CDYL2: variants seen among roughly 807,000 people sequenced by gnomAD.
The protein encoded by CDYL2 is chromodomain Y-like protein 2.
In CDYL2, 23 loss-of-function variants were observed where a neutral mutation model predicts 49.4. That is an observed-to-expected ratio of 0.47 (90% confidence interval 0.34 to 0.66). CDYL2 has a LOEUF of 0.66. Ranked by LOEUF, CDYL2 falls within the 30% of genes least tolerant of loss-of-function variation. The pLI is 0.01. For missense variants in CDYL2, 678 were observed against 656.4 expected, an observed-to-expected ratio of 1.03 and a Z score of -0.36; for synonymous variants, 360 against 268.8, an observed-to-expected ratio of 1.34 and a Z score of -3.32.
intron 1 of CDYL2, among the ~76,000 whole-genome samples, chr16:80,733,475 T>C (rs1905404677): frequency 6.6e-6 from 1 of 152,210 alleles, no homozygotes; most frequent in Admixed American, 6.5e-5. Context: ...TGGACAGGTT[T>C]ATGGAGGCTT....
intron 1 of CDYL2, among the ~76,000 whole-genome samples, chr16:80,715,007 A>C (rs1321772291): frequency 2.6e-5 from 4 of 152,146 alleles, no homozygotes; most frequent in Non-Finnish European, 4.4e-5. Flanking sequence ...CAGAATCCCC[A>C]GAGAGAAACA....
At chr16:80,670,925 T>C (rs774801906) in intron 2 of CDYL2, 4 of 455,990 alleles carry the variant, frequency 8.8e-6, no homozygotes, top group Non-Finnish European at 1.8e-5. Context: ...GGGGCTTGCC[T>C]CACCAGCTGT....
intron 1 of CDYL2, among the ~76,000 whole-genome samples, chr16:80,775,373 T>C (rs981175504): frequency 6.6e-6 from 1 of 151,890 alleles, no homozygotes; most frequent in African/African-American, 2.4e-5. Context: ...ATATACAGTT[T>C]AAATAATTAA....
In CDYL2 at chr16:80,700,666, C is replaced by T. The variant is rs78676609; in HGVS notation, c.25-15537G>A. On this transcript the variant is annotated intron_variant, in intron 1 of 6. Transcript: ENST00000570137. Reference sequence around the variant, plus strand: ...TACCCTATGTTGGCAAGGATGTGGGCATACGAATAGCTATATATGTTCTTA... The same window carrying T: ...TACCCTATGTTGGCAAGGATGTGGGTATACGAATAGCTATATATGTTCTTA... Among the ~76,000 whole-genome samples the T allele has an allele frequency of 1.9e-4, 29 of 152,282 alleles. No homozygotes were observed. The East Asian group carries it at 5.2e-3, about 27-fold the overall frequency.
chr16:80,685,210 A>C, intron 1 of CDYL2, 81 bp from the exon 2 acceptor site: 2 of 1,128,220 alleles, frequency 1.8e-6, no homozygotes, highest in Non-Finnish European at 2.6e-6. Context: ...AACACCATAA[A>C]GCCTTTGGGA....
chr16:80,680,755 G>C (rs1289853663), intron 2 of CDYL2, among the ~76,000 whole-genome samples: 2 of 152,130 alleles, frequency 1.3e-5, no homozygotes, highest in Non-Finnish European at 2.9e-5. Context: ...ATGGATCTAT[G>C]AACCATCTCT....
intron 2 of CDYL2, among the ~76,000 whole-genome samples, chr16:80,653,362 G>C (rs762482093): frequency 6.6e-6 from 1 of 152,192 alleles, no homozygotes; most frequent in Non-Finnish European, 1.5e-5. Context: ...CTACTTGGAA[G>C]TCTGAGGCAG....
Position 80,685,085 on chromosome 16 carries a change from C to T in CDYL2, c.69G>A (p.Trp23Ter). Residue 23 changes from tryptophan (W) to a stop codon, truncating the protein, a stop_gained, in exon 2 of 7, where the codon TGG becomes TGA. Transcript: ENST00000570137. LOFTEE classifies it high-confidence loss of function. ...VDKRKNKKGKWEYLIRWKGYG... is the reference protein window; with the variant it reads ...VDKRKNKKGK ...AGCCTTTCCATCGGATAAGATACTC[C>T]CATTTTCCTTTCTTGTTCTTCCTCT... The T allele has an allele frequency of 1.2e-6, 2 of 1,613,942 alleles. No individual in the cohort carries two copies. The highest frequency in any genetic ancestry group is 1.7e-6 in the Non-Finnish European group (2 of 1,179,890).
intron 3 of CDYL2, among the ~76,000 whole-genome samples, chr16:80,626,511 T>C (rs1346226788): frequency 2.0e-5 from 3 of 152,162 alleles, no homozygotes; most frequent in Non-Finnish European, 2.9e-5. Context: ...GCCTTTGCTA[T>C]GTGTATATAA....
intron 6 of CDYL2, among the ~76,000 whole-genome samples, chr16:80,607,596 G>A (rs571866453): frequency 3.4e-4 from 52 of 152,334 alleles, no homozygotes; most frequent in Non-Finnish European, 5.6e-4. Context: ...CACTGCCTCT[G>A]CAGAGGTGTT....
intron 2 of CDYL2, among the ~76,000 whole-genome samples, chr16:80,668,080 G>A (rs573292098): frequency 6.6e-6 from 1 of 152,216 alleles, no homozygotes; most frequent in African/African-American, 2.4e-5. Flanking sequence ...CCCTAGCCAG[G>A]TTTGGCAGGA....
Position 80,682,706 on chromosome 16 carries a change from C to A in CDYL2, c.616+1832G>T, listed in dbSNP as rs367903274. Among the ~76,000 whole-genome samples, 8 of 152,280 alleles carry A rather than the reference C, an allele frequency of 5.3e-5. No homozygotes were observed. In the South Asian group the frequency reaches 1.5e-3, roughly 28 times the overall value. ...GAGCCTTGCCCCTGCACCCAAAGGG[C>A]CACAAAATCTCCCCTCGCCACCCTT... is the stretch of plus-strand genomic sequence containing the variant. On this transcript the variant is annotated intron_variant, in intron 2 of 6. Coordinates refer to ENST00000570137, the MANE Select transcript of CDYL2 (RefSeq NM_152342.4).
intron 4 of CDYL2, among the ~76,000 whole-genome samples, chr16:80,617,113 C>T (rs886735885): frequency 1.3e-5 from 2 of 152,254 alleles, no homozygotes; most frequent in African/African-American, 4.8e-5. Flanking sequence ...TGGAGAGAGC[C>T]TTCTGAACAA....
intron 2 of CDYL2, among the ~76,000 whole-genome samples, chr16:80,667,895 G>T (rs1234082077): frequency 6.6e-6 from 1 of 152,220 alleles, no homozygotes; most frequent in Non-Finnish European, 1.5e-5. Flanking sequence ...TGGGTCATTT[G>T]TTCCAGGCAA....
At chr16:80,758,452 A>T (rs1906390350) in intron 1 of CDYL2, among the ~76,000 whole-genome samples, 1 of 152,120 alleles carries the variant, frequency 6.6e-6, no homozygotes, top group African/African-American at 2.4e-5. Flanking sequence ...CCAAATGTGT[A>T]CAACACTGGA....
chr16:80,693,022 A>G (rs182176970), intron 1 of CDYL2, among the ~76,000 whole-genome samples: 4 of 152,136 alleles, frequency 2.6e-5, no homozygotes, highest in Admixed American at 1.3e-4. Context: ...ATTTGGAAGA[A>G]ACTCACAGGC....
At chr16:80,694,624 A>G (rs942340696) in intron 1 of CDYL2, among the ~76,000 whole-genome samples, 1 of 152,202 alleles carries the variant, frequency 6.6e-6, no homozygotes, top group Non-Finnish European at 1.5e-5. Flanking sequence ...AAATATAAAT[A>G]TATGTATACA....
chr16:80,653,830 T>TA (rs958357399), intron 2 of CDYL2, among the ~76,000 whole-genome samples: 19 of 152,238 alleles, frequency 1.2e-4, no homozygotes, highest in African/African-American at 4.6e-4. Context: ...CCATGGTTCT[T>TA]ACACTTGCGT....
intron 2 of CDYL2, among the ~76,000 whole-genome samples, chr16:80,676,661 A>G (rs1367378565): frequency 2.0e-5 from 3 of 152,192 alleles, no homozygotes; most frequent in Non-Finnish European, 4.4e-5. Context: ...ATAAGCCCAG[A>G]AGGTTATTCA....
Sources: allele counts gnomAD v4.1 joint callset (sites outside exome capture counted in the v4.1 genomes callset), GRCh38; gene constraint gnomAD v4.1.1; transcripts MANE v1.5; gene names NCBI Gene and HGNC (gene_info 2026-07-23, HGNC 2026-07-21).